PTPRT: variants seen among roughly 807,000 people sequenced by gnomAD.
The protein encoded by PTPRT is protein tyrosine phosphatase receptor type T.
In PTPRT, 56 loss-of-function variants were observed where a neutral mutation model predicts 176.8. That is an observed-to-expected ratio of 0.32 (90% CI 0.26 to 0.40). The LOEUF is 0.40. PTPRT is among the 10% of genes least tolerant of loss of function. The probability of loss-of-function intolerance (pLI) is 1.00; values close to 1 mark genes in which losing one functional copy is unlikely to be tolerated. For synonymous variants in PTPRT, 783 were observed against 739.0 expected, an observed-to-expected ratio of 1.06 and a Z score of -0.96; for missense variants, 1,540 against 1,908.2, an observed-to-expected ratio of 0.81 and a Z score of 3.60.
rs558317938 is a variant in PTPRT, at chr20:42,151,266, T to C, written c.2683-9264A>G. 2.4e-4 allele frequency among the ~76,000 whole-genome samples: 37 copies of C among 152,250 alleles called. 1 individual carries two copies. Among genetic ancestry groups the C allele is most frequent in the Non-Finnish European group, 4.4e-4 (30 of 68,018 alleles). ...TATCATCTAGGTTTCAAGCCCCGCA[T>C]ACATTAGGTATTTGCTCTAATGTTC... On this transcript the variant is annotated intron_variant, in intron 17 of 30. Coordinates refer to ENST00000373187, the MANE Select transcript of PTPRT (RefSeq NM_007050.6).
chr20:42,158,683 TA>T (rs765735044), intron 17 of PTPRT, among the ~76,000 whole-genome samples: 15 of 152,352 alleles, frequency 9.8e-5, no homozygotes, highest in East Asian at 7.7e-4. Flanking sequence ...CATTGCGGGC[TA>T]GCACATTGTG....
chr20:42,411,835 A>T (rs1396049688), intron 9 of PTPRT, among the ~76,000 whole-genome samples: 1 of 90,890 alleles, frequency 1.1e-5, no homozygotes, highest in East Asian at 2.9e-4. Context: ...GGGGAATTCT[A>T]CCAAATATCT....
chr20:43,025,119 G>T (rs962111594), intron 1 of PTPRT, among the ~76,000 whole-genome samples: 3 of 152,158 alleles, frequency 2.0e-5, no homozygotes, highest in Non-Finnish European at 4.4e-5. Flanking sequence ...AGGATAACCT[G>T]TTCTCCCAAT....
chr20:42,830,458 A>C (rs1413163370), intron 2 of PTPRT, among the ~76,000 whole-genome samples: 3 of 152,218 alleles, frequency 2.0e-5, no homozygotes, highest in African/African-American at 7.2e-5. Context: ...CAAAATAGTA[A>C]GAGCCATCTA....
chr20:42,508,751 A>G (rs1278141994), intron 7 of PTPRT, among the ~76,000 whole-genome samples: 1 of 151,734 alleles, frequency 6.6e-6, no homozygotes. Flanking sequence ...TTCATACTCT[A>G]AACAGGTGAG....
chr20:42,955,329 A>G lies in PTPRT; in HGVS notation c.89-69397T>C, dbSNP rs535251784. Among the ~76,000 whole-genome samples the G allele has an allele frequency of 9.9e-4, 151 of 152,312 alleles. 1 individual carries two copies. Among genetic ancestry groups the G allele is most frequent in the Admixed American group, 1.6e-3 (25 of 15,296 alleles). On this transcript the variant is annotated intron_variant, in intron 1 of 30. Transcript: ENST00000373187. Reference sequence around the variant, plus strand: ...AAAAACATGGCAATTCACAGACCCCACAAGGTCCTGCATTAAAAGCCTACA... The same window carrying G: ...AAAAACATGGCAATTCACAGACCCCGCAAGGTCCTGCATTAAAAGCCTACA...
chr20:42,211,547 T>C (rs1368350069), intron 15 of PTPRT, among the ~76,000 whole-genome samples: 3 of 148,896 alleles, frequency 2.0e-5, no homozygotes, highest in African/African-American at 7.4e-5. Context: ...CATGAAAAAA[T>C]GCTCACCATC....
intron 25 of PTPRT, 71 bp downstream of exon 25, chr20:42,104,498 C>A: frequency 6.8e-7 from 1 of 1,469,122 alleles, no homozygotes; most frequent in South Asian, 1.3e-5. Context: ...TTAAACCACC[C>A]AATCTATGGA....
chr20:42,907,818 G>A (rs2079497667), intron 1 of PTPRT, among the ~76,000 whole-genome samples: 2 of 143,478 alleles, frequency 1.4e-5, no homozygotes, highest in Admixed American at 1.3e-4. Flanking sequence ...TAACTGGAAG[G>A]GTACAAGTGG....
intron 6 of PTPRT, among the ~76,000 whole-genome samples, chr20:42,679,547 A>G (rs534409359): frequency 2.6e-5 from 4 of 152,304 alleles, no homozygotes; most frequent in Non-Finnish European, 5.9e-5. Flanking sequence ...AATGGAAGAA[A>G]ATGGAGAAAA....
At chr20:42,281,172 T>C (rs1035665527) in intron 13 of PTPRT, among the ~76,000 whole-genome samples, 34 of 152,202 alleles carry the variant, frequency 2.2e-4, no homozygotes, top group Non-Finnish European at 3.5e-4. Context: ...ATTATCTGTT[T>C]TCTTCAGTGG....
chr20:42,510,387 T>C (rs1472829065), intron 7 of PTPRT, among the ~76,000 whole-genome samples: 1 of 152,094 alleles, frequency 6.6e-6, no homozygotes, highest in Non-Finnish European at 1.5e-5. Context: ...TGAAATGTAT[T>C]CCTGGAACTT....
chr20:42,096,577 C>T (rs77262830), intron 27 of PTPRT, among the ~76,000 whole-genome samples: 3,438 of 151,998 alleles, frequency 0.023, 131 homozygotes, highest in African/African-American at 0.078. Flanking sequence ...TTACTCCAGT[C>T]GGGATGACAC....
intron 7 of PTPRT, among the ~76,000 whole-genome samples, chr20:42,554,123 C>T (rs955304217): frequency 1.1e-4 from 16 of 152,162 alleles, no homozygotes; most frequent in South Asian, 2.1e-4. Flanking sequence ...GAAAAGAGTC[C>T]GTAATTGCCT....
rs143884830 is a variant in PTPRT at position 42,502,127 on chromosome 20, TC to T, written c.1154-29566del. Among the ~76,000 whole-genome samples the T allele has an allele frequency of 4.8e-3, 729 of 152,228 alleles. 5 individuals carry two copies. Among genetic ancestry groups the T allele is most frequent in the African/African-American group, 0.017 (698 of 41,572 alleles). ...GAGTCAGTTTTGAAAGTTACATTTT[TC>T]AAGGATATACCTTTTTAGTCTCACT... On this transcript the variant is annotated intron_variant, in intron 7 of 30. Coordinates refer to ENST00000373187, the MANE Select transcript of PTPRT (RefSeq NM_007050.6).
intron 7 of PTPRT, among the ~76,000 whole-genome samples, chr20:42,568,033 G>A (rs756378289): frequency 6.6e-6 from 1 of 150,866 alleles, no homozygotes; most frequent in African/African-American, 2.4e-5. Context: ...GCAGTGACAC[G>A]ATCTTGGCTC....
intron 1 of PTPRT, among the ~76,000 whole-genome samples, chr20:42,917,243 G>C (rs1274195406): frequency 6.6e-6 from 1 of 151,966 alleles, no homozygotes; most frequent in Non-Finnish European, 1.5e-5. Flanking sequence ...GCTTGTTTTT[G>C]TCAGGTTTGT....
chr20:43,129,634 T>G (rs1185399910), intron 1 of PTPRT, among the ~76,000 whole-genome samples: 2 of 144,806 alleles, frequency 1.4e-5, no homozygotes, highest in African/African-American at 5.1e-5. Context: ...TTTTTTTTTT[T>G]TTGAGACGGA....
At chr20:42,999,249 C>T (rs1271837106) in intron 1 of PTPRT, among the ~76,000 whole-genome samples, 6 of 152,214 alleles carry the variant, frequency 3.9e-5, no homozygotes, top group Admixed American at 6.5e-5. Flanking sequence ...CACACACATA[C>T]ACAAAGAGAC....
Sources: allele counts gnomAD v4.1 joint callset (sites outside exome capture counted in the v4.1 genomes callset), GRCh38; gene constraint gnomAD v4.1.1; transcripts MANE v1.5; gene names NCBI Gene and HGNC (gene_info 2026-07-23, HGNC 2026-07-21).